Variants in SLC49A4 observed in about 807,000 individuals in gnomAD.
The protein encoded by SLC49A4 is solute carrier family 49 member 4, also known as disrupted in renal cancer protein 2.
SLC49A4 carries 36 observed loss-of-function variants against 50.6 expected under a neutral mutation model. The observed-to-expected ratio is 0.71, with a 90% CI of 0.55 to 0.94. The LOEUF (loss-of-function observed/expected upper bound fraction) is 0.94, where lower values mean the gene tolerates loss of function less well. Ranked by LOEUF, SLC49A4 falls within the 40% of genes least tolerant of loss-of-function variation. The pLI is 0.00. For synonymous variants in SLC49A4, 248 were observed against 241.2 expected, an observed-to-expected ratio of 1.03 and a Z score of -0.26; for missense variants, 503 against 605.7, an observed-to-expected ratio of 0.83 and a Z score of 1.78.
chr3:122,799,656 T>C (rs1031368560), intron 1 of SLC49A4, among the ~76,000 whole-genome samples: 7 of 152,304 alleles, frequency 4.6e-5, no homozygotes, highest in African/African-American at 1.7e-4. Flanking sequence ...GCTCTTGTCT[T>C]CAGGACAAGA....
In SLC49A4 at chr3:122,795,099, C is replaced by T. The variant is rs753220343; in HGVS notation, c.-94C>T. The T allele has an allele frequency of 1.1e-3, 1,300 of 1,217,088 alleles. 2 individuals are homozygous for T. The highest frequency in any genetic ancestry group is 1.3e-3 in the Non-Finnish European group (1,236 of 975,874). The allele number at this position is 1,217,088 out of a possible 1,614,324, so 75.4% of individuals were successfully genotyped here. On this transcript the variant is annotated 5_prime_UTR_variant, in exon 1 of 9. Coordinates refer to ENST00000261038, the MANE Select transcript of SLC49A4 (RefSeq NM_032839.3). ...GGAGGCCGAGGGCGACCACAGCAGC[C>T]TCCGCCTCCTGCTGCTCAGGACTAT...
chr3:122,866,204 G>GTTTT (rs34457229), intron 7 of SLC49A4, among the ~76,000 whole-genome samples: 6 of 123,536 alleles, frequency 4.9e-5, no homozygotes, highest in African/African-American at 1.2e-4. Flanking sequence ...AACTTTCGTT[G>GTTTT]TTTTTTTTTT....
At chr3:122,805,493 C>A (rs1427514919) in intron 1 of SLC49A4, among the ~76,000 whole-genome samples, 2 of 98,064 alleles carry the variant, frequency 2.0e-5, no homozygotes, top group Non-Finnish European at 5.2e-5. Context: ...GTACCCTCTG[C>A]AAAAAGAGAG....
At chr3:122,839,612 C>T (rs763465250) in intron 4 of SLC49A4, among the ~76,000 whole-genome samples, 7 of 151,974 alleles carry the variant, frequency 4.6e-5, no homozygotes, top group Non-Finnish European at 7.4e-5. Flanking sequence ...AGAAGACATA[C>T]AAACACTAAC....
At chr3:122,870,908 T>TC (rs1937190553) in intron 7 of SLC49A4, among the ~76,000 whole-genome samples, 1 of 151,962 alleles carries the variant, frequency 6.6e-6, no homozygotes. Flanking sequence ...TGATATTCCA[T>TC]CCCCAGATTT....
chr3:122,813,226 G>A (rs1211674164), intron 2 of SLC49A4, among the ~76,000 whole-genome samples: 3 of 148,188 alleles, frequency 2.0e-5, no homozygotes, highest in African/African-American at 7.5e-5. Context: ...GGGCGATAGA[G>A]CGAGACTCTG....
intron 2 of SLC49A4, among the ~76,000 whole-genome samples, chr3:122,816,037 CT>C (rs1264167457): frequency 1.3e-5 from 2 of 152,138 alleles, no homozygotes; most frequent in Non-Finnish European, 2.9e-5. Context: ...GTTCTTATAC[CT>C]GTTGAATCTC....
intron 5 of SLC49A4, among the ~76,000 whole-genome samples, chr3:122,855,425 C>A (rs1317999741): frequency 1.3e-5 from 2 of 152,220 alleles, no homozygotes; most frequent in Admixed American, 1.3e-4. Context: ...TAACAACTAA[C>A]ATGCATTGAG....
chr3:122,810,288 A>G (rs1418996731), intron 2 of SLC49A4, among the ~76,000 whole-genome samples: 4 of 152,334 alleles, frequency 2.6e-5, no homozygotes, highest in Non-Finnish European at 5.9e-5. Context: ...AAAACTCAGG[A>G]AAAAATTATT....
At chr3:122,867,470 G>T (rs1456422797) in intron 7 of SLC49A4, among the ~76,000 whole-genome samples, 3 of 152,092 alleles carry the variant, frequency 2.0e-5, no homozygotes, top group African/African-American at 7.2e-5. Context: ...TAAAATACCT[G>T]CCTCAAAGAG....
intron 1 of SLC49A4, among the ~76,000 whole-genome samples, chr3:122,806,302 T>C (rs1008605569): frequency 6.6e-6 from 1 of 152,212 alleles, no homozygotes; most frequent in African/African-American, 2.4e-5. Context: ...TTTGAAAAAT[T>C]AGAGCTAATA....
chr3:122,824,730 C>CTTTTTTTTTTTTTT (rs71621693), intron 2 of SLC49A4, among the ~76,000 whole-genome samples: 1 of 82,918 alleles, frequency 1.2e-5, no homozygotes. Context: ...TTTTTTCCTT[C>CTTTTTTTTTTTTTT]TTTTTTTTTT....
intron 7 of SLC49A4, among the ~76,000 whole-genome samples, chr3:122,870,816 CAATAAT>C (rs199524636): frequency 6.8e-5 from 10 of 147,404 alleles, no homozygotes; most frequent in Middle Eastern, 3.5e-3. Context: ...TCCATCTCAA[CAATAAT>C]AATAATAATA....
intron 8 of SLC49A4, among the ~76,000 whole-genome samples, chr3:122,878,491 T>C (rs943123117): frequency 6.6e-6 from 1 of 152,174 alleles, no homozygotes; most frequent in African/African-American, 2.4e-5. Flanking sequence ...TGTGTGTTGG[T>C]AGCAAATGGC....
chr3:122,857,603 C>A (rs1937005457), intron 6 of SLC49A4, among the ~76,000 whole-genome samples: 1 of 152,100 alleles, frequency 6.6e-6, no homozygotes. Context: ...TAAATTGACA[C>A]TGTAATTTCT....
At chr3:122,856,175 T>G (rs1936986846) in intron 5 of SLC49A4, 132 bp from the exon 6 acceptor site, 1 of 748,516 alleles carries the variant, frequency 1.3e-6, no homozygotes, top group Non-Finnish European at 2.3e-6. Flanking sequence ...TTTGTATACA[T>G]TAGTTACACA....
At chr3:122,808,406 T>A (rs1168554917) in intron 2 of SLC49A4, among the ~76,000 whole-genome samples, 1 of 152,168 alleles carries the variant, frequency 6.6e-6, no homozygotes, top group African/African-American at 2.4e-5. Flanking sequence ...GATAACCTTT[T>A]GGGATAAAAA....
chr3:122,833,939 G>C (rs1366443897), intron 4 of SLC49A4, among the ~76,000 whole-genome samples: 1 of 152,050 alleles, frequency 6.6e-6, no homozygotes, highest in African/African-American at 2.4e-5. Flanking sequence ...CGAGCAGTAG[G>C]ATCATACTTT....
At chr3:122,822,314 G>GT (rs1274738786) in intron 2 of SLC49A4, among the ~76,000 whole-genome samples, 3 of 152,162 alleles carry the variant, frequency 2.0e-5, no homozygotes, top group African/African-American at 4.8e-5. Flanking sequence ...TAGGATAATC[G>GT]TGAGTCGCAT....
Sources: gnomAD v4.1 joint callset for allele counts (sites outside exome capture counted in the v4.1 genomes callset) on GRCh38, gnomAD v4.1.1 for gene constraint, MANE v1.5 for transcripts, NCBI Gene and HGNC (gene_info 2026-07-23, HGNC 2026-07-21) for gene names.